OOSP3: variants seen among roughly 807,000 people sequenced by gnomAD.
The protein encoded by OOSP3 is oocyte-secreted protein 3.
intron 2 of OOSP3, among the ~76,000 whole-genome samples, chr11:59,888,758 C>CT (rs942888281): frequency 6.6e-6 from 1 of 152,056 alleles, no homozygotes; most frequent in Non-Finnish European, 1.5e-5. Flanking sequence ...CTGAAGTTTT[C>CT]TTTTTTTGTT....
At chr11:59,888,835 T>G (rs1017586095) in intron 2 of OOSP3, among the ~76,000 whole-genome samples, 9 of 152,222 alleles carry the variant, frequency 5.9e-5, no homozygotes, top group African/African-American at 1.4e-4. Context: ...GAGAAGTTCC[T>G]TATTTTCAAT....
intron 2 of OOSP3, among the ~76,000 whole-genome samples, chr11:59,884,463 GTCTGTCTGTCTGTCTCTCTC>G (rs1375525732): frequency 1.6e-3 from 185 of 117,164 alleles, no homozygotes; most frequent in African/African-American, 7.2e-3. Flanking sequence ...CTGTCTGTCT[GTCTGTCTGTCTGTCTCTCTC>G]TCTCTCTCTC....
chr11:59,895,205 G>C (rs1256415717), intron 3 of OOSP3, among the ~76,000 whole-genome samples: 2 of 151,138 alleles, frequency 1.3e-5, no homozygotes, highest in Non-Finnish European at 2.9e-5. Context: ...GTTTATACTT[G>C]TAAGAGATTG....
intron 2 of OOSP3, among the ~76,000 whole-genome samples, chr11:59,883,668 T>C (rs933005041): frequency 6.6e-6 from 1 of 152,226 alleles, no homozygotes; most frequent in Non-Finnish European, 1.5e-5. Context: ...AAATATATGG[T>C]GCTTAGAAGA....
intron 2 of OOSP3, among the ~76,000 whole-genome samples, chr11:59,882,790 A>C (rs950538142): frequency 6.6e-6 from 1 of 152,174 alleles, no homozygotes; most frequent in African/African-American, 2.4e-5. Context: ...CGGTCACTTC[A>C]CTGCCTCTTC....
At chr11:59,889,227 AT>A (rs554885801) in intron 2 of OOSP3, among the ~76,000 whole-genome samples, 228 of 133,928 alleles carry the variant, frequency 1.7e-3, no homozygotes, top group Middle Eastern at 3.9e-3. Flanking sequence ...TATTTTGTTG[AT>A]TTTTTTTTTT....
intron 2 of OOSP3, among the ~76,000 whole-genome samples, chr11:59,882,289 T>G (rs976113928): frequency 8.5e-5 from 13 of 152,088 alleles, no homozygotes; most frequent in Non-Finnish European, 1.5e-4. Flanking sequence ...CCCTGTGGCA[T>G]GAAAACCATT....
intron 2 of OOSP3, among the ~76,000 whole-genome samples, chr11:59,886,938 G>T (rs1263256743): frequency 1.3e-5 from 2 of 151,796 alleles, no homozygotes; most frequent in East Asian, 3.9e-4. Flanking sequence ...GTATAGGCGT[G>T]TGCCACCATG....
chr11:59,880,728 G>A (rs574220487), intron 2 of OOSP3, among the ~76,000 whole-genome samples: 2 of 152,232 alleles, frequency 1.3e-5, no homozygotes, highest in Admixed American at 6.5e-5. Context: ...CTTAAAGCAG[G>A]CATTGTTCCT....
intron 2 of OOSP3, among the ~76,000 whole-genome samples, chr11:59,882,202 A>G (rs1590872331): frequency 6.6e-6 from 1 of 152,308 alleles, no homozygotes; most frequent in East Asian, 1.9e-4. Flanking sequence ...CCACAATGTT[A>G]TTACAGGAGG....
intron 2 of OOSP3, among the ~76,000 whole-genome samples, chr11:59,882,871 TA>T (rs1853217123): frequency 1.3e-5 from 2 of 152,226 alleles, no homozygotes; most frequent in Non-Finnish European, 2.9e-5. Flanking sequence ...ATATGTCATA[TA>T]AATTCAATCA....
At chr11:59,896,183 C>T in exon 5 of OOSP3, 1 of 398,428 alleles carries the variant, frequency 2.5e-6, no homozygotes. Flanking sequence ...ATCCATTAGT[C>T]CATGAGAGTG....
chr11:59,896,226 C>T, exon 5 of OOSP3: 1 of 398,382 alleles, frequency 2.5e-6, no homozygotes, highest in African/African-American at 2.1e-5. Flanking sequence ...TCTTCCATGG[C>T]AATCCTGAAA....
intron 2 of OOSP3, among the ~76,000 whole-genome samples, chr11:59,885,409 G>T (rs1368940657): frequency 1.3e-5 from 2 of 152,140 alleles, no homozygotes; most frequent in East Asian, 3.9e-4. Context: ...TGCCATGGTG[G>T]TTTGCTACAC....
At chr11:59,887,213 A>G (rs2134528664) in intron 2 of OOSP3, among the ~76,000 whole-genome samples, 1 of 150,924 alleles carries the variant, frequency 6.6e-6, no homozygotes, top group African/African-American at 2.4e-5. Flanking sequence ...ATTTTCTCCC[A>G]TTCTGTAGGT....
intron 2 of OOSP3, among the ~76,000 whole-genome samples, chr11:59,893,529 T>C (rs1024617879): frequency 6.6e-6 from 1 of 152,140 alleles, no homozygotes; most frequent in Non-Finnish European, 1.5e-5. Flanking sequence ...GATTGTTTTT[T>C]GATTTTTAGT....
intron 2 of OOSP3, among the ~76,000 whole-genome samples, chr11:59,891,695 C>T (rs76865913): frequency 0.017 from 2,544 of 152,300 alleles, 93 homozygotes; most frequent in African/African-American, 0.058. Flanking sequence ...TGTGAGGTGT[C>T]TGGCAACCCC....
Position 59,885,895 on chromosome 11 carries a change from AATTTT to A in OOSP3, c.252+5464_252+5468del, listed in dbSNP as rs532241969. On this transcript the variant is annotated intron_variant, in intron 2 of 4. Transcript: ENST00000646438. ...AAAAATATTTATTTTAATTTTTTAAAATTTTATTTTATGTTCTGGGGTACATGTGC... is the reference window on the plus strand; with the variant it reads ...AAAAATATTTATTTTAATTTTTTAAAATTTTATGTTCTGGGGTACATGTGC... Among the ~76,000 whole-genome samples the A allele has an allele frequency of 4.6e-3, 692 of 152,048 alleles. 3 individuals are homozygous for A. The highest frequency in any genetic ancestry group is 0.014 in the Middle Eastern group (4 of 292).
intron 2 of OOSP3, among the ~76,000 whole-genome samples, chr11:59,885,099 G>GT (rs1352227220): frequency 2.0e-5 from 3 of 152,196 alleles, no homozygotes; most frequent in Non-Finnish European, 2.9e-5. Context: ...TAATTTTATA[G>GT]TTTTTTCCCC....
Sources: gnomAD v4.1 joint callset for allele counts (sites outside exome capture counted in the v4.1 genomes callset) on GRCh38, gnomAD v4.1.1 for gene constraint, MANE v1.5 for transcripts, NCBI Gene and HGNC (gene_info 2026-07-23, HGNC 2026-07-21) for gene names.